Variants in RAI14 observed in about 807,000 individuals in gnomAD.
The protein encoded by RAI14 is ankycorbin.
Under a neutral mutation model 115.4 loss-of-function variants are expected in RAI14, and 45 were observed. The observed-to-expected ratio is 0.39, with a 90% CI of 0.31 to 0.50. The LOEUF is 0.50. Among genes scored for constraint, RAI14 ranks in the 20% least tolerant of loss-of-function variants. RAI14 has a pLI of 0.85. For synonymous variants in RAI14, 371 were observed against 415.4 expected (o/e 0.89, Z 1.30); for missense variants, 939 against 1,131.2 (o/e 0.83, Z 2.44).
At position 34,811,739 on chromosome 5, in the gene RAI14, CTA is replaced by C. The variant is rs755977463; in HGVS notation, c.558-27_558-26del. On this transcript the variant is annotated intron_variant, in intron 8 of 17. Transcript: ENST00000265109. ...AAAGACTTTTTACATTCTCTTAGTA[CTA>C]ATTTTGTGTCTCTTTTTTCCTTTAG... is the stretch of plus-strand genomic sequence containing the variant. 4.0e-5 allele frequency: 63 copies of C among 1,576,898 alleles called. No individual in the cohort carries two copies. In the African/African-American group the frequency reaches 7.9e-4, roughly 20 times the overall value.
At chr5:34,735,746 G>T (rs1022618705) in intron 2 of RAI14, among the ~76,000 whole-genome samples, 1 of 152,192 alleles carries the variant, frequency 6.6e-6, no homozygotes, top group Non-Finnish European at 1.5e-5. Flanking sequence ...AATTAATTCG[G>T]CAGGGTTTAT....
intron 2 of RAI14, among the ~76,000 whole-genome samples, chr5:34,717,501 G>A (rs968613287): frequency 2.0e-5 from 3 of 152,196 alleles, no homozygotes; most frequent in African/African-American, 7.2e-5. Context: ...TTTTGGGCGG[G>A]GGGGAATCCT....
intron 2 of RAI14, among the ~76,000 whole-genome samples, chr5:34,748,692 G>A (rs1438444793): frequency 2.0e-5 from 3 of 151,990 alleles, no homozygotes; most frequent in Non-Finnish European, 4.4e-5. Flanking sequence ...GAAAATTTGG[G>A]AGCCTCATGC....
intron 2 of RAI14, among the ~76,000 whole-genome samples, chr5:34,702,877 T>C (rs1388891120): frequency 6.6e-6 from 1 of 152,198 alleles, no homozygotes; most frequent in Non-Finnish European, 1.5e-5. Context: ...TGGCTAATTC[T>C]ATATTTTCAG....
At position 34,826,330 on chromosome 5, in the gene RAI14, A is replaced by T; in HGVS notation, c.2650A>T (p.Ile884Leu). ...TAATACCATTTTCCTTTGCCCCTAGATAAATGAGATGTCGAAGGAAGTCAC... is the reference window on the plus strand; with the variant it reads ...TAATACCATTTTCCTTTGCCCCTAGTTAAATGAGATGTCGAAGGAAGTCAC... ...SKLEEDKDKK[I>L]NEMSKEVTKL... Residue 884 changes from isoleucine (I) to leucine (L), a missense_variant and splice_region_variant, in exon 16 of 18, where the codon ATA becomes TTA. Transcript: ENST00000265109. The T allele has an allele frequency of 6.2e-7, 1 of 1,613,656 alleles. No individual in the cohort carries two copies. The highest frequency in any genetic ancestry group is 1.3e-5 in the African/African-American group (1 of 75,052).
chr5:34,822,688 T>C, intron 14 of RAI14, among the ~76,000 whole-genome samples: 1 of 101,250 alleles, frequency 9.9e-6, no homozygotes, highest in Non-Finnish European at 1.9e-5. Flanking sequence ...TTTTTTTTTT[T>C]TTTTTTTTTT....
intron 3 of RAI14, among the ~76,000 whole-genome samples, chr5:34,766,024 A>G (rs1248189497): frequency 6.6e-6 from 1 of 152,240 alleles, no homozygotes; most frequent in Non-Finnish European, 1.5e-5. Context: ...TGAGCTTACA[A>G]GTATACAAAA....
chr5:34,819,564 C>G (rs1183578059), intron 13 of RAI14, among the ~76,000 whole-genome samples: 1 of 152,154 alleles, frequency 6.6e-6, no homozygotes, highest in South Asian at 2.1e-4. Flanking sequence ...GGGTTTAATT[C>G]ATTGTGTCTC....
intron 17 of RAI14, 149 bp from the exon 18 acceptor site, chr5:34,830,539 A>T (rs1757936095): frequency 7.3e-7 from 1 of 1,375,902 alleles, no homozygotes; most frequent in African/African-American, 1.5e-5. Flanking sequence ...TCCTCATAGA[A>T]ATTTGGGAAA....
chr5:34,681,251 GATT>G (rs1403425120), intron 1 of RAI14, among the ~76,000 whole-genome samples: 1 of 152,208 alleles, frequency 6.6e-6, no homozygotes, highest in Non-Finnish European at 1.5e-5. Context: ...GTTGCAGAGA[GATT>G]ATTGTCTGAA....
chr5:34,682,806 A>G (rs1744485718), intron 1 of RAI14, among the ~76,000 whole-genome samples: 1 of 152,232 alleles, frequency 6.6e-6, no homozygotes, highest in African/African-American at 2.4e-5. Flanking sequence ...TTTTTGGTAC[A>G]TACTCGAATT....
intron 3 of RAI14, among the ~76,000 whole-genome samples, chr5:34,790,256 C>T (rs1752761272): frequency 6.6e-6 from 1 of 152,144 alleles, no homozygotes; most frequent in Non-Finnish European, 1.5e-5. Flanking sequence ...ACTGAGTGAG[C>T]CTGCTCTTTC....
At chr5:34,730,810 TA>T in intron 2 of RAI14, among the ~76,000 whole-genome samples, 1 of 152,068 alleles carries the variant, frequency 6.6e-6, no homozygotes, top group Non-Finnish European at 1.5e-5. Flanking sequence ...TGGTGAAACC[TA>T]ATCTCTACTA....
chr5:34,665,178 C>CATATATATATATATATATATAT lies in RAI14; in HGVS notation c.-49+8713_-49+8714insATATATATATATATATATATAT, dbSNP rs201354748. 4.5e-3 allele frequency among the ~76,000 whole-genome samples: 32 copies of CATATATATATATATATATATAT among 7,084 alleles called. 1 individual carries two copies. The highest frequency in any genetic ancestry group is 6.5e-3 in the Non-Finnish European group (21 of 3,240). 4.6% of individuals were successfully genotyped at this position (7,084 alleles called of 152,430 possible). On this transcript the variant is annotated intron_variant, in intron 1 of 17. Coordinates refer to ENST00000265109, the MANE Select transcript of RAI14 (RefSeq NM_015577.3). ...GTGTGTGTATATATATATATACACA[C>CATATATATATATATATATATAT]ATATATATATGTATATATATACACA...
intron 3 of RAI14, among the ~76,000 whole-genome samples, chr5:34,786,477 G>C (rs565949343): frequency 6.6e-6 from 1 of 152,250 alleles, no homozygotes; most frequent in Admixed American, 6.5e-5. Flanking sequence ...TTTAGCTTTA[G>C]CTGGCAAACA....
chr5:34,658,525 G>A (rs947956642), intron 1 of RAI14, among the ~76,000 whole-genome samples: 1 of 151,764 alleles, frequency 6.6e-6, no homozygotes, highest in African/African-American at 2.4e-5. Flanking sequence ...CAGGCATGGT[G>A]CTTATGCCTG....
At chr5:34,716,308 C>T (rs1741992194) in intron 2 of RAI14, 1 of 220,104 alleles carries the variant, frequency 4.5e-6, no homozygotes, top group African/African-American at 2.4e-5. Flanking sequence ...CCCTGTACCT[C>T]CTGGGTCAGC....
At chr5:34,717,728 C>T (rs1381309261) in intron 2 of RAI14, among the ~76,000 whole-genome samples, 2 of 152,014 alleles carry the variant, frequency 1.3e-5, no homozygotes, top group African/African-American at 4.8e-5. Flanking sequence ...GTGTCTTTTG[C>T]TCCACATCCC....
At chr5:34,687,032 T>G in intron 2 of RAI14, 77 bp downstream of exon 2, 1 of 1,523,054 alleles carries the variant, frequency 6.6e-7, no homozygotes, top group East Asian at 2.3e-5. Flanking sequence ...CCCACCTTGA[T>G]AAGGCGCTGT....
Sources: allele counts gnomAD v4.1 joint callset (sites outside exome capture counted in the v4.1 genomes callset), GRCh38; gene constraint gnomAD v4.1.1; transcripts MANE v1.5; gene names NCBI Gene and HGNC (gene_info 2026-07-23, HGNC 2026-07-21).